The following RBMS3 variants were observed in gnomAD, a reference collection of about 807,000 sequenced individuals.
The protein encoded by RBMS3 is RNA-binding motif, single-stranded-interacting protein 3.
RBMS3 carries 27 observed loss-of-function variants against 66.8 expected under a neutral mutation model. That is an observed-to-expected ratio of 0.40 (90% CI 0.30 to 0.56). The LOEUF (loss-of-function observed/expected upper bound fraction) is 0.56, where lower values mean the gene tolerates loss of function less well. RBMS3 is among the 20% of genes least tolerant of loss of function. The probability of loss-of-function intolerance (pLI) is 0.40; values close to 1 mark genes in which losing one functional copy is unlikely to be tolerated. For missense variants in RBMS3, 513 were observed against 549.5 expected, an observed-to-expected ratio of 0.93 and a Z score of 0.66; for synonymous variants, 188 against 183.0, an observed-to-expected ratio of 1.03 and a Z score of -0.22.
chr3:29,909,681 G>C (rs2060469895), intron 10 of RBMS3, among the ~76,000 whole-genome samples: 1 of 152,060 alleles, frequency 6.6e-6, no homozygotes, highest in African/African-American at 2.4e-5. Flanking sequence ...AGTACATAGG[G>C]ATGCATCTAT....
intron 4 of RBMS3, among the ~76,000 whole-genome samples, chr3:29,661,044 G>A (rs1440803145): frequency 2.0e-5 from 3 of 152,202 alleles, no homozygotes; most frequent in Non-Finnish European, 4.4e-5. Flanking sequence ...GCTATCTGCA[G>A]GTTGCTCCAG....
At chr3:29,929,314 T>C (rs12487746) in intron 10 of RBMS3, among the ~76,000 whole-genome samples, 1 of 152,198 alleles carries the variant, frequency 6.6e-6, no homozygotes, top group Non-Finnish European at 1.5e-5. Context: ...GATAAACTTG[T>C]TTCTGTAGTT....
intron 1 of RBMS3, among the ~76,000 whole-genome samples, chr3:29,344,478 T>G (rs1243272920): frequency 2.0e-5 from 3 of 152,206 alleles, no homozygotes; most frequent in Non-Finnish European, 2.9e-5. Context: ...TTTTGAATCT[T>G]CTTTTGGGAA....
chr3:29,611,639 AGCC>A (rs2048496481), intron 4 of RBMS3, among the ~76,000 whole-genome samples: 1 of 152,068 alleles, frequency 6.6e-6, no homozygotes, highest in Non-Finnish European at 1.5e-5. Context: ...CAATGGATAA[AGCC>A]AGAGGGCAGG....
intron 2 of RBMS3, among the ~76,000 whole-genome samples, chr3:29,442,212 AT>A (rs58714956): frequency 1.3e-5 from 2 of 151,998 alleles, no homozygotes; most frequent in Non-Finnish European, 2.9e-5. Context: ...ATATACTTAC[AT>A]TTTTTTGCCG....
chr3:29,518,346 T>A (rs1195790802), intron 3 of RBMS3, among the ~76,000 whole-genome samples: 1 of 152,234 alleles, frequency 6.6e-6, no homozygotes, highest in African/African-American at 2.4e-5. Context: ...TGAGTTATCA[T>A]GTCATGGCAT....
chr3:29,839,665 A>T lies in RBMS3; in HGVS notation c.638-29193A>T, dbSNP rs181973520. 8.6e-4 allele frequency among the ~76,000 whole-genome samples: 131 copies of T among 151,884 alleles called. 1 individual carries two copies. The highest frequency in any genetic ancestry group is 2.6e-3 in the African/African-American group (110 of 41,532). On this transcript the variant is annotated intron_variant, in intron 6 of 14. Coordinates refer to ENST00000383767, the MANE Select transcript of RBMS3 (RefSeq NM_001003793.3). ...TCTAAAAAATAATAAAAATGAACTCATTTTTACTTTATAAATGACTCAGTT... is the reference window on the plus strand; with the variant it reads ...TCTAAAAAATAATAAAAATGAACTCTTTTTTACTTTATAAATGACTCAGTT...
Position 30,003,977 on chromosome 3 carries a change from TTGTTG to T in RBMS3, c.*117_*121del. 2 of 961,596 alleles carry T rather than the reference TTGTTG, an allele frequency of 2.1e-6. No individual in the cohort carries two copies. The highest frequency in any genetic ancestry group is 2.9e-6 in the Non-Finnish European group (2 of 698,208). The allele number at this position is 961,596 out of a possible 1,614,324, so 59.6% of individuals were successfully genotyped here. A position where few individuals can be genotyped will look rare whatever the true frequency, so the allele number is the denominator to read the frequency against. ...AATGGAATGCATTTTTTTGTTGTTG[TTGTTG>T]TTTTTTTTTTAGTGTTATACCTTAC... On this transcript the variant is annotated 3_prime_UTR_variant, in exon 15 of 15. Transcript: ENST00000383767.
chr3:29,958,031 G>A (rs980131479), intron 12 of RBMS3, among the ~76,000 whole-genome samples: 8 of 152,092 alleles, frequency 5.3e-5, no homozygotes, highest in African/African-American at 1.9e-4. Flanking sequence ...CAGTCTGTTA[G>A]TGATACACTA....
chr3:29,950,101 G>A (rs1398841625), intron 12 of RBMS3, among the ~76,000 whole-genome samples: 6 of 151,690 alleles, frequency 4.0e-5, no homozygotes, highest in African/African-American at 1.2e-4. Flanking sequence ...TTTGCCATCC[G>A]ATTATAAGGG....
At chr3:29,380,420 G>GC (rs538823334) in intron 1 of RBMS3, among the ~76,000 whole-genome samples, 428 of 152,270 alleles carry the variant, frequency 2.8e-3, no homozygotes, top group African/African-American at 9.9e-3. Context: ...TGCAAAGCCA[G>GC]CCATGTAAGT....
At chr3:29,888,482 T>C (rs890463355) in intron 8 of RBMS3, among the ~76,000 whole-genome samples, 4 of 151,736 alleles carry the variant, frequency 2.6e-5, no homozygotes, top group Admixed American at 2.0e-4. Flanking sequence ...CCACTTTTAC[T>C]AATCTTACTC....
chr3:29,474,520 C>G (rs912095953), intron 2 of RBMS3, among the ~76,000 whole-genome samples: 3 of 152,196 alleles, frequency 2.0e-5, no homozygotes, highest in African/African-American at 7.2e-5. Flanking sequence ...TGATTGTTTA[C>G]ATAGGATTAA....
chr3:29,760,784 C>T (rs766278018), intron 5 of RBMS3, among the ~76,000 whole-genome samples: 5 of 152,094 alleles, frequency 3.3e-5, no homozygotes, highest in African/African-American at 9.6e-5. Flanking sequence ...GGAAAGATTC[C>T]GCTTGCCTTT....
intron 3 of RBMS3, among the ~76,000 whole-genome samples, chr3:29,577,924 C>G (rs188568644): frequency 8.5e-5 from 13 of 152,262 alleles, no homozygotes; most frequent in African/African-American, 2.9e-4. Flanking sequence ...TTTCTGTGTG[C>G]AGATAGTTGC....
intron 1 of RBMS3, among the ~76,000 whole-genome samples, chr3:29,379,922 T>C (rs1279069397): frequency 6.6e-6 from 1 of 152,128 alleles, no homozygotes. Context: ...TGAGGAAGAC[T>C]TAATTTAGTC....
chr3:29,359,522 C>T (rs192641996), intron 1 of RBMS3, among the ~76,000 whole-genome samples: 74 of 152,182 alleles, frequency 4.9e-4, no homozygotes, highest in Middle Eastern at 3.4e-3. Flanking sequence ...TTTGTTGTGT[C>T]GCTGCCAGGC....
chr3:29,994,054 G>C (rs572215309), intron 14 of RBMS3, among the ~76,000 whole-genome samples: 3 of 152,160 alleles, frequency 2.0e-5, no homozygotes, highest in Admixed American at 6.5e-5. Flanking sequence ...CAGACTGGGC[G>C]CAGGTCAGTG....
At chr3:29,442,057 C>T (rs2125740401) in intron 2 of RBMS3, among the ~76,000 whole-genome samples, 1 of 152,204 alleles carries the variant, frequency 6.6e-6, no homozygotes, top group South Asian at 2.1e-4. Flanking sequence ...CAAGGATGTC[C>T]TTGGAAGAAT....
Sources: gnomAD v4.1 joint callset for allele counts (sites outside exome capture counted in the v4.1 genomes callset) on GRCh38, gnomAD v4.1.1 for gene constraint, MANE v1.5 for transcripts, NCBI Gene and HGNC (gene_info 2026-07-23, HGNC 2026-07-21) for gene names.